DIAPH1: variants seen among roughly 807,000 people sequenced by gnomAD.
DIAPH1 encodes the protein diaphanous related formin 1, also known as protein diaphanous homolog 1.
A neutral mutation model predicts 140.7 loss-of-function variants in DIAPH1; 46 were observed. The ratio of observed to expected loss-of-function variants is 0.33; its 90% CI spans 0.26 to 0.42. The LOEUF (loss-of-function observed/expected upper bound fraction) is 0.42. Ranked by LOEUF, DIAPH1 falls within the 10% of genes least tolerant of loss-of-function variation. The pLI is 1.00. For missense variants in DIAPH1, 1,310 were observed against 1,558.7 expected, an observed-to-expected ratio of 0.84 and a Z score of 2.69; for synonymous variants, 565 against 551.6, an observed-to-expected ratio of 1.02 and a Z score of -0.34.
chr5:141,582,770 C>T (rs1392494017), intron 6 of DIAPH1, among the ~76,000 whole-genome samples: 1 of 152,146 alleles, frequency 6.6e-6, no homozygotes, highest in African/African-American at 2.4e-5. Context: ...CCAGGAAGTA[C>T]TCTGCTTCAG....
At chr5:141,544,246 C>T (rs2099890445) in intron 18 of DIAPH1, among the ~76,000 whole-genome samples, 2 of 152,122 alleles carry the variant, frequency 1.3e-5, no homozygotes, top group South Asian at 4.1e-4. Context: ...GGAAGTGGAG[C>T]TTGCAGTGAG....
At position 141,515,633 on chromosome 5, in the gene DIAPH1, T is replaced by C. The variant is rs947417927; in HGVS notation, c.*1218A>G. ...TGCCCAGTTCCCCAGAATGTCCAGT[T>C]AGCATCTGCACATTTGGCTTGATAC... is the stretch of plus-strand genomic sequence containing the variant. On this transcript the variant is annotated 3_prime_UTR_variant, in exon 28 of 28. Transcript: ENST00000389054. 4 of 152,244 alleles carry C rather than the reference T, an allele frequency of 2.6e-5. No individual in the cohort carries two copies. Among genetic ancestry groups the C allele is most frequent in the Non-Finnish European group, 4.4e-5 (3 of 68,052 alleles). The allele number at this position is 152,244 out of a possible 1,614,324, so 9.4% of individuals were successfully genotyped here.
Position 141,592,883 on chromosome 5 carries a change from T to A in DIAPH1, c.118-4633A>T, listed in dbSNP as rs183352124. Among the ~76,000 whole-genome samples the A allele has an allele frequency of 2.0e-5, 3 of 152,306 alleles. No individual in the cohort carries two copies. In the East Asian group the frequency reaches 5.8e-4, roughly 29 times the overall value. Reference sequence around the variant, plus strand: ...ATCCAGATTAATAGGAACTTTCAGGTAAAAGATGTCAGACTGAACCAAAAC... The same window carrying A: ...ATCCAGATTAATAGGAACTTTCAGGAAAAAGATGTCAGACTGAACCAAAAC... On this transcript the variant is annotated intron_variant, in intron 1 of 27. Coordinates refer to ENST00000389054, the MANE Select transcript of DIAPH1 (RefSeq NM_005219.5).
At chr5:141,582,087 A>G (rs1274944679) in intron 7 of DIAPH1, 5 of 364,968 alleles carry the variant, frequency 1.4e-5, no homozygotes, top group Non-Finnish European at 2.5e-5. Context: ...AAAAAAAAAA[A>G]GAGAGAGAAA....
chr5:141,616,150 T>C (rs752497838), intron 1 of DIAPH1, among the ~76,000 whole-genome samples: 9 of 152,200 alleles, frequency 5.9e-5, no homozygotes, highest in Non-Finnish European at 8.8e-5. Context: ...CTAACAATCA[T>C]GTGTTTTTAA....
intron 18 of DIAPH1, chr5:141,561,040 T>C (rs2099893455): frequency 2.4e-6 from 1 of 416,678 alleles, no homozygotes; most frequent in Non-Finnish European, 4.8e-6. Context: ...ATCTGGAACC[T>C]GAGCCAAAAT....
Position 141,520,807 on chromosome 5 carries a change from G to A in DIAPH1, c.3661+3336C>T, listed in dbSNP as rs566100827. Among the ~76,000 whole-genome samples, 3 of 152,302 alleles carry A rather than the reference G, an allele frequency of 2.0e-5. No individual in the cohort carries two copies. In the East Asian group the frequency reaches 5.8e-4, roughly 29 times the overall value. On this transcript the variant is annotated intron_variant, in intron 27 of 27. Transcript: ENST00000389054. ...CTGCTGTCTCCTGTTCAATCACGCA[G>A]GCTGAGGGGAAACAGGCCTGGACTT...
chr5:141,576,142 C>T, intron 14 of DIAPH1, 88 bp downstream of exon 14: 1 of 1,162,680 alleles, frequency 8.6e-7, no homozygotes, highest in Non-Finnish European at 1.3e-6. Flanking sequence ...CAAAATACCA[C>T]AGAGGAAAAC....
chr5:141,522,768 T>G (rs1182561203), intron 27 of DIAPH1, among the ~76,000 whole-genome samples: 1 of 152,116 alleles, frequency 6.6e-6, no homozygotes, highest in Non-Finnish European at 1.5e-5. Context: ...TAAGACTAAA[T>G]GCTCGAGCCC....
chr5:141,573,475 T>C lies in DIAPH1; in HGVS notation c.2358+17A>G, dbSNP rs543154317. 19 of 1,371,494 alleles carry C rather than the reference T, an allele frequency of 1.4e-5. No homozygotes were observed. The Admixed American group carries it at 1.4e-4, about 10-fold the overall frequency. 85.0% of individuals were successfully genotyped at this position (1,371,494 alleles called of 1,614,324 possible). ...AAAAAAAGATTGACTGGTGAAGAAATAGACAGAAACTCTTACCTTGGACCA... is the reference window on the plus strand; with the variant it reads ...AAAAAAAGATTGACTGGTGAAGAAACAGACAGAAACTCTTACCTTGGACCA... On this transcript the variant is annotated intron_variant, in intron 16 of 27. Coordinates refer to ENST00000389054, the MANE Select transcript of DIAPH1 (RefSeq NM_005219.5).
chr5:141,593,795 GC>G (rs2099898870), intron 1 of DIAPH1, among the ~76,000 whole-genome samples: 1 of 152,164 alleles, frequency 6.6e-6, no homozygotes, highest in Non-Finnish European at 1.5e-5. Flanking sequence ...CCAAATGCTT[GC>G]AAAGATGTGG....
chr5:141,541,868 A>C (rs1475793979), intron 18 of DIAPH1, among the ~76,000 whole-genome samples: 1 of 152,196 alleles, frequency 6.6e-6, no homozygotes, highest in Non-Finnish European at 1.5e-5. Flanking sequence ...AAAAACCACA[A>C]AACACTGATG....
intron 3 of DIAPH1, among the ~76,000 whole-genome samples, chr5:141,584,446 C>T (rs2099897232): frequency 1.4e-5 from 2 of 145,708 alleles, no homozygotes; most frequent in African/African-American, 4.9e-5. Flanking sequence ...GACATATACA[C>T]ACTTTTTTTC....
At chr5:141,523,339 T>C (rs926377156) in intron 27 of DIAPH1, among the ~76,000 whole-genome samples, 11 of 152,228 alleles carry the variant, frequency 7.2e-5, no homozygotes, top group African/African-American at 2.7e-4. Flanking sequence ...GACACGATAG[T>C]GCAGGTCAAC....
At chr5:141,517,043 G>C in intron 27 of DIAPH1, 35 bp from the exon 28 acceptor site, 1 of 1,612,760 alleles carries the variant, frequency 6.2e-7, no homozygotes, top group South Asian at 1.1e-5. Context: ...GTCTATGGAA[G>C]GCCTCATTTC....
At chr5:141,532,934 C>A (rs893418764) in intron 19 of DIAPH1, among the ~76,000 whole-genome samples, 1 of 152,186 alleles carries the variant, frequency 6.6e-6, no homozygotes, top group Non-Finnish European at 1.5e-5. Flanking sequence ...AACTGACTCA[C>A]AATACTTTAA....
chr5:141,573,194 T>C (rs962917703), intron 16 of DIAPH1, among the ~76,000 whole-genome samples: 1 of 151,836 alleles, frequency 6.6e-6, no homozygotes, highest in East Asian at 1.9e-4. Context: ...CCCAGCACTT[T>C]GGGAGGCCGA....
chr5:141,600,646 C>T (rs536462485), intron 1 of DIAPH1, among the ~76,000 whole-genome samples: 1 of 152,240 alleles, frequency 6.6e-6, no homozygotes, highest in Non-Finnish European at 1.5e-5. Flanking sequence ...ATTAACCCCC[C>T]ACATATACCT....
rs201008770 is a variant in DIAPH1, at chr5:141,576,841, A to G, written c.1311T>C (p.Cys437=). ...RPQYYKLIEE[C]ISQIVLHKNG... is the part of the protein sequence containing the mutation. ...TCTTGTGCAGAACTATCTGGGAAAT[A>G]CATTCTTCAATCAACTTATAGTACT... The change falls in exon 13 of 28, where the codon TGT becomes TGC. Residue 437 remains cysteine, a synonymous_variant. Transcript: ENST00000389054. 2.5e-6 allele frequency: 4 copies of G among 1,613,224 alleles called. No individual in the cohort carries two copies. Among genetic ancestry groups the G allele is most frequent in the African/African-American group, 2.7e-5 (2 of 75,034 alleles).
Sources: gnomAD v4.1 joint callset for allele counts (sites outside exome capture counted in the v4.1 genomes callset) on GRCh38, gnomAD v4.1.1 for gene constraint, MANE v1.5 for transcripts, NCBI Gene and HGNC (gene_info 2026-07-23, HGNC 2026-07-21) for gene names.